Variants in AOPEP observed in about 807,000 individuals in gnomAD.
AOPEP encodes the protein aminopeptidase O (putative), also known as aminopeptidase O.
A neutral mutation model predicts 98.1 loss-of-function variants in AOPEP; 77 were observed. The observed-to-expected ratio is 0.78, with a 90% CI of 0.65 to 0.95. The LOEUF (loss-of-function observed/expected upper bound fraction) is 0.95, where lower values mean the gene tolerates loss of function less well. Among genes scored for constraint, AOPEP ranks in the 40% least tolerant of loss-of-function variants. The probability of loss-of-function intolerance (pLI) is 0.00; values close to 1 mark genes in which losing one functional copy is unlikely to be tolerated. For synonymous variants in AOPEP, 346 were observed against 365.3 expected (o/e 0.95, Z 0.60); for missense variants, 1,024 against 1,024.7 (o/e 1.00, Z 0.01).
At chr9:94,931,779 GTT>G (rs1347464176) in intron 7 of AOPEP, 1 of 1,549,830 alleles carries the variant, frequency 6.5e-7, no homozygotes, top group East Asian at 2.4e-5. Context: ...TGTTCAACAT[GTT>G]TGACCACTCT....
intron 5 of AOPEP, among the ~76,000 whole-genome samples, chr9:94,826,775 A>G (rs1433072496): frequency 6.6e-6 from 1 of 152,086 alleles, no homozygotes; most frequent in East Asian, 1.9e-4. Context: ...AGCTGATGAT[A>G]TTAGTGGAGG....
the AOPEP span, among the ~76,000 whole-genome samples, chr9:95,131,457 A>G: frequency 2.0e-5 from 3 of 152,074 alleles, no homozygotes; most frequent in Non-Finnish European, 2.9e-5. Context: ...TGCATCCCCA[A>G]CTGCAATTCC....
intron 5 of AOPEP, among the ~76,000 whole-genome samples, chr9:94,830,268 C>G (rs1855657941): frequency 6.6e-6 from 1 of 152,214 alleles, no homozygotes; most frequent in Non-Finnish European, 1.5e-5. Flanking sequence ...ATTCAACTTT[C>G]ACTTATAAGT....
At chr9:95,104,618 T>C in the AOPEP span, among the ~76,000 whole-genome samples, 2 of 152,112 alleles carry the variant, frequency 1.3e-5, no homozygotes, top group African/African-American at 4.8e-5. Flanking sequence ...GGACTGAAAG[T>C]TTCCTCCGAG....
At chr9:94,782,136 G>A (rs1177705346) in intron 3 of AOPEP, among the ~76,000 whole-genome samples, 2 of 151,784 alleles carry the variant, frequency 1.3e-5, no homozygotes, top group African/African-American at 4.8e-5. Context: ...GTTGCAGTGA[G>A]CCAAGATCGT....
chr9:94,870,760 T>G (rs1327033450), intron 5 of AOPEP, among the ~76,000 whole-genome samples: 1 of 152,228 alleles, frequency 6.6e-6, no homozygotes, highest in Non-Finnish European at 1.5e-5. Flanking sequence ...GGAAAAGTAG[T>G]AAAATGTTAG....
intron 1 of AOPEP, among the ~76,000 whole-genome samples, chr9:94,744,571 C>T (rs916176326): frequency 2.0e-5 from 3 of 151,376 alleles, no homozygotes; most frequent in Non-Finnish European, 4.4e-5. Context: ...CATGGTAGTG[C>T]ATGCCTGTAA....
At chr9:95,104,101 G>A in the AOPEP span, among the ~76,000 whole-genome samples, 62,635 of 152,016 alleles carry the variant, frequency 0.41, 13,106 homozygotes, top group East Asian at 0.57. Context: ...AAGCAGACCC[G>A]GCTCTTTCCA....
intron 1 of AOPEP, among the ~76,000 whole-genome samples, chr9:94,744,945 A>G (rs1834123002): frequency 1.3e-5 from 2 of 151,816 alleles, no homozygotes; most frequent in South Asian, 4.2e-4. Flanking sequence ...ATTTTTCTGG[A>G]TACATATTAG....
At chr9:94,868,042 A>G (rs2135550492) in intron 5 of AOPEP, among the ~76,000 whole-genome samples, 1 of 152,330 alleles carries the variant, frequency 6.6e-6, no homozygotes, top group Non-Finnish European at 1.5e-5. Flanking sequence ...AGATTTGCCT[A>G]CAGACAGTGA....
At chr9:94,864,845 G>A (rs993790258) in intron 5 of AOPEP, among the ~76,000 whole-genome samples, 1 of 152,162 alleles carries the variant, frequency 6.6e-6, no homozygotes, top group African/African-American at 2.4e-5. Flanking sequence ...TGTCTTTGCA[G>A]GAGAGATTTT....
At chr9:94,809,274 A>T (rs908703465) in intron 5 of AOPEP, among the ~76,000 whole-genome samples, 10 of 152,228 alleles carry the variant, frequency 6.6e-5, no homozygotes, top group Non-Finnish European at 5.9e-5. Flanking sequence ...GAGGGCTTCT[A>T]AGAAAGCCTT....
intron 5 of AOPEP, among the ~76,000 whole-genome samples, chr9:94,808,045 CTT>C (rs1385115392): frequency 1.1e-4 from 16 of 142,578 alleles, no homozygotes; most frequent in Admixed American, 1.4e-4. Flanking sequence ...TTTTTTCTTT[CTT>C]TTTTTTTTTT....
chr9:94,917,497 C>T (rs142685589), intron 5 of AOPEP, among the ~76,000 whole-genome samples: 8 of 152,286 alleles, frequency 5.3e-5, no homozygotes, highest in Admixed American at 5.2e-4. Flanking sequence ...CCCATGAGCA[C>T]CCACCTTGAA....
intron 11 of AOPEP, among the ~76,000 whole-genome samples, chr9:95,001,881 G>T (rs1309003911): frequency 6.6e-6 from 1 of 151,862 alleles, no homozygotes; most frequent in Non-Finnish European, 1.5e-5. Context: ...GGGCTCAAGT[G>T]ATCCTCCCAC....
At chr9:95,087,475 T>TC (rs2070787986), downstream of AOPEP, among the ~76,000 whole-genome samples, 1 of 76,200 alleles carries the variant, frequency 1.3e-5, no homozygotes, top group South Asian at 6.0e-4. Flanking sequence ...AGAGCAAGAC[T>TC]CCATCTCAAA....
the AOPEP span, among the ~76,000 whole-genome samples, chr9:95,093,766 C>A: frequency 6.6e-6 from 1 of 152,174 alleles, no homozygotes; most frequent in Non-Finnish European, 1.5e-5. Context: ...ATAACGCTCG[C>A]TTCTCTGTGT....
the AOPEP span, among the ~76,000 whole-genome samples, chr9:95,102,259 G>C: frequency 3.3e-5 from 5 of 152,220 alleles, no homozygotes; most frequent in Admixed American, 6.5e-5. Context: ...ACGAACATGA[G>C]AATTGGAAAA....
chr9:94,814,810 G>A (rs4744376), intron 5 of AOPEP, among the ~76,000 whole-genome samples: 23,478 of 152,216 alleles, frequency 0.15, 2,333 homozygotes, highest in East Asian at 0.31. Flanking sequence ...ACTGTCGGAC[G>A]TAAGGGAATT....
Sources: gnomAD v4.1 joint callset for allele counts (sites outside exome capture counted in the v4.1 genomes callset) on GRCh38, gnomAD v4.1.1 for gene constraint, MANE v1.5 for transcripts, NCBI Gene and HGNC (gene_info 2026-07-23, HGNC 2026-07-21) for gene names.